Variants in ST3GAL3 observed in about 807,000 individuals in gnomAD.
ST3GAL3 encodes ST3 beta-galactoside alpha-2,3-sialyltransferase 3, also known as CMP-N-acetylneuraminate-beta-1,4-galactoside alpha-2,3-sialyltransferase.
ST3GAL3 carries 21 observed loss-of-function variants against 50.1 expected under a neutral mutation model. That is an observed-to-expected ratio of 0.42 (90% CI 0.30 to 0.60). The LOEUF (loss-of-function observed/expected upper bound fraction) is 0.60. Among genes scored for constraint, ST3GAL3 ranks in the 20% least tolerant of loss-of-function variants. The pLI, the probability that ST3GAL3 is intolerant of heterozygous loss-of-function variation, is 0.19. For missense variants in ST3GAL3, 353 were observed against 489.4 expected, an observed-to-expected ratio of 0.72 and a Z score of 2.63; for synonymous variants, 183 against 190.0, an observed-to-expected ratio of 0.96 and a Z score of 0.30.
intron 9 of ST3GAL3, chr1:43,919,918 T>G (rs959400406): frequency 5.8e-5 from 14 of 241,012 alleles, no homozygotes; most frequent in Non-Finnish European, 1.1e-4. Context: ...TCACGCTCTG[T>G]CTCCATTTTT....
At chr1:43,749,637 C>T (rs778200010) in intron 2 of ST3GAL3, among the ~76,000 whole-genome samples, 7 of 151,944 alleles carry the variant, frequency 4.6e-5, no homozygotes, top group Non-Finnish European at 8.8e-5. Context: ...ATATTTCATA[C>T]AAAAAAAATT....
chr1:43,817,269 A>G (rs769262611), intron 4 of ST3GAL3, among the ~76,000 whole-genome samples: 5 of 152,230 alleles, frequency 3.3e-5, no homozygotes, highest in South Asian at 2.1e-4. Flanking sequence ...AAATATGCCA[A>G]TGTAAGGCTT....
chr1:43,804,212 T>C (rs1280957164), intron 3 of ST3GAL3, among the ~76,000 whole-genome samples: 4 of 152,160 alleles, frequency 2.6e-5, no homozygotes, highest in Admixed American at 6.5e-5. Context: ...ATAAGGCAAA[T>C]TCACATGCAA....
At chr1:43,804,400 G>A (rs1226832304) in intron 3 of ST3GAL3, among the ~76,000 whole-genome samples, 2 of 152,120 alleles carry the variant, frequency 1.3e-5, no homozygotes, top group Admixed American at 6.5e-5. Flanking sequence ...GCTAGTCAGG[G>A]AACTCTGTGA....
chr1:43,860,405 G>A (rs1281788475), intron 5 of ST3GAL3, among the ~76,000 whole-genome samples: 2 of 152,200 alleles, frequency 1.3e-5, no homozygotes, highest in Non-Finnish European at 2.9e-5. Flanking sequence ...GCCTGCTCCA[G>A]GAAAGTTGCT....
chr1:43,916,388 G>GC (rs1280700640), intron 9 of ST3GAL3, among the ~76,000 whole-genome samples: 1 of 152,182 alleles, frequency 6.6e-6, no homozygotes, highest in African/African-American at 2.4e-5. Context: ...CGAACTTGAT[G>GC]ACCAGCAGCA....
At chr1:43,727,399 T>C (rs539667024) in intron 1 of ST3GAL3, 1 of 152,214 alleles carries the variant, frequency 6.6e-6, no homozygotes, top group Non-Finnish European at 1.5e-5. Context: ...GAGGTCGATA[T>C]TAATCAAGTA....
At chr1:43,915,464 A>T (rs1456501771) in intron 9 of ST3GAL3, among the ~76,000 whole-genome samples, 1 of 152,250 alleles carries the variant, frequency 6.6e-6, no homozygotes, top group Non-Finnish European at 1.5e-5. Flanking sequence ...CAGGATCTGC[A>T]CATGGTGAGT....
chr1:43,724,008 T>C (rs16831096), intron 1 of ST3GAL3, among the ~76,000 whole-genome samples: 1,872 of 152,274 alleles, frequency 0.012, 40 homozygotes, highest in African/African-American at 0.043. Flanking sequence ...TGGGGATATC[T>C]GCAGAATGAG....
At chr1:43,868,687 G>A (rs2071912001) in intron 5 of ST3GAL3, among the ~76,000 whole-genome samples, 1 of 152,060 alleles carries the variant, frequency 6.6e-6, no homozygotes, top group African/African-American at 2.4e-5. Flanking sequence ...CTGGGTACAA[G>A]TTTCCTCTCC....
chr1:43,860,267 G>A (rs774406337), intron 5 of ST3GAL3, among the ~76,000 whole-genome samples: 2 of 152,192 alleles, frequency 1.3e-5, no homozygotes, highest in Admixed American at 1.3e-4. Context: ...CATTTTGGGG[G>A]CAAAATGAAG....
At chr1:43,743,175 G>GA (rs1043675241) in intron 2 of ST3GAL3, among the ~76,000 whole-genome samples, 5 of 145,700 alleles carry the variant, frequency 3.4e-5, no homozygotes, top group Non-Finnish European at 4.6e-5. Context: ...TCATCTGAAG[G>GA]AAAAAAAAAT....
intron 5 of ST3GAL3, chr1:43,894,008 A>G (rs1012596977): frequency 3.3e-5 from 11 of 333,114 alleles, no homozygotes; most frequent in South Asian, 5.3e-5. Context: ...TCAACTGGAC[A>G]GTGTCTCATC....
At position 43,751,413 on chromosome 1, in the gene ST3GAL3, A is replaced by G. The variant is rs1213696506; in HGVS notation, c.118+15033A>G. On this transcript the variant is annotated intron_variant, in intron 2 of 11. Coordinates refer to ENST00000347631, the MANE Select transcript of ST3GAL3 (RefSeq NM_006279.5). The stretch of plus-strand genomic sequence containing the variant: ...ATACAGAACAAGCATGCACAGATAT[A>G]TGTACAGGTGTGCACATTGCATTGT... Among the ~76,000 whole-genome samples the G allele has an allele frequency of 2.6e-5, 4 of 152,324 alleles. No homozygotes were observed. In the East Asian group the frequency reaches 7.7e-4, roughly 29 times the overall value.
chr1:43,860,599 C>T (rs1247005559), intron 5 of ST3GAL3, among the ~76,000 whole-genome samples: 1 of 152,196 alleles, frequency 6.6e-6, no homozygotes, highest in Non-Finnish European at 1.5e-5. Flanking sequence ...ATCAGGTACT[C>T]CACAGAGGAG....
chr1:43,886,467 C>T (rs1214430150), intron 5 of ST3GAL3, among the ~76,000 whole-genome samples: 2 of 152,194 alleles, frequency 1.3e-5, no homozygotes, highest in African/African-American at 4.8e-5. Flanking sequence ...TGTATCACAA[C>T]ATCACTTTGT....
chr1:43,803,029 G>A (rs887227166), intron 3 of ST3GAL3, among the ~76,000 whole-genome samples: 1 of 152,010 alleles, frequency 6.6e-6, no homozygotes, highest in Non-Finnish European at 1.5e-5. Context: ...GGGTTCAAAT[G>A]ATTCTCCTGC....
At chr1:43,835,694 C>T (rs2064214863) in intron 4 of ST3GAL3, among the ~76,000 whole-genome samples, 1 of 152,142 alleles carries the variant, frequency 6.6e-6, no homozygotes, top group African/African-American at 2.4e-5. Flanking sequence ...AAAGGTCTGT[C>T]TGTTGTTCAT....
chr1:43,857,497 T>TTCCTTCCC (rs1225738312), intron 5 of ST3GAL3, among the ~76,000 whole-genome samples: 7 of 146,604 alleles, frequency 4.8e-5, no homozygotes, highest in Non-Finnish European at 7.6e-5. Flanking sequence ...CCTTCCTTCC[T>TTCCTTCCC]TCCCTCTTCC....
Sources: allele counts gnomAD v4.1 joint callset (sites outside exome capture counted in the v4.1 genomes callset), GRCh38; gene constraint gnomAD v4.1.1; transcripts MANE v1.5; gene names NCBI Gene and HGNC (gene_info 2026-07-23, HGNC 2026-07-21).